Variants in ANKRD44 observed in about 807,000 individuals in gnomAD.
The protein encoded by ANKRD44 is ankyrin repeat domain 44.
ANKRD44 carries 35 observed loss-of-function variants against 116.0 expected under a neutral mutation model. The observed-to-expected ratio is 0.30, with a 90% CI of 0.23 to 0.40. The LOEUF is 0.40. Among genes scored for constraint, ANKRD44 ranks in the 10% least tolerant of loss-of-function variants. The probability of loss-of-function intolerance (pLI) is 1.00; values close to 1 mark genes in which losing one functional copy is unlikely to be tolerated. For missense variants in ANKRD44, 1,014 were observed against 1,242.6 expected, an observed-to-expected ratio of 0.82 and a Z score of 2.77; for synonymous variants, 435 against 461.8, an observed-to-expected ratio of 0.94 and a Z score of 0.74.
intron 1 of ANKRD44, among the ~76,000 whole-genome samples, chr2:197,272,195 G>A (rs773518776): frequency 3.3e-5 from 5 of 152,124 alleles, no homozygotes; most frequent in Non-Finnish European, 7.4e-5. Flanking sequence ...CCTGAACTGG[G>A]AGAAATAAAT....
At chr2:197,078,539 G>T in intron 16 of ANKRD44, 164 bp downstream of exon 16, 1 of 1,478,264 alleles carries the variant, frequency 6.8e-7, no homozygotes, top group Non-Finnish European at 9.1e-7. Context: ...GCATGGTGCA[G>T]TAGAAAAAAC....
At chr2:197,055,211 C>T (rs1427445130) in intron 16 of ANKRD44, among the ~76,000 whole-genome samples, 1 of 152,162 alleles carries the variant, frequency 6.6e-6, no homozygotes, top group Non-Finnish European at 1.5e-5. Context: ...ATACTTTTTT[C>T]ACATGTTTAT....
At chr2:197,285,477 T>A (rs1266003794) in intron 1 of ANKRD44, among the ~76,000 whole-genome samples, 1 of 152,196 alleles carries the variant, frequency 6.6e-6, no homozygotes, top group Non-Finnish European at 1.5e-5. Context: ...GGAAATATTC[T>A]AGTTGACGCT....
At chr2:197,145,776 T>A (rs1393239886) in intron 3 of ANKRD44, among the ~76,000 whole-genome samples, 1 of 152,178 alleles carries the variant, frequency 6.6e-6, no homozygotes, top group Non-Finnish European at 1.5e-5. Flanking sequence ...CTTGAATGCA[T>A]GTCTCAGCTC....
At chr2:197,296,930 A>G (rs781523975) in intron 1 of ANKRD44, among the ~76,000 whole-genome samples, 1 of 152,166 alleles carries the variant, frequency 6.6e-6, no homozygotes, top group East Asian at 1.9e-4. Context: ...TTTTACACCA[A>G]TGTTTTTTAG....
rs188304579 is a variant in ANKRD44, at chr2:196,981,601, C to A, written c.2368+11982G>T. Reference sequence around the variant, plus strand: ...GACCAGCCTGGCTAACATGGCAAAACCCCATCTCTACTAAAAATTTTTTTA... The same window carrying A: ...GACCAGCCTGGCTAACATGGCAAAAACCCATCTCTACTAAAAATTTTTTTA... On this transcript the variant is annotated intron_variant, in intron 21 of 21. Coordinates refer to the ANKRD44 transcript ENST00000424317. 2.0e-5 allele frequency among the ~76,000 whole-genome samples: 3 copies of A among 152,118 alleles called. No homozygotes were observed. In the East Asian group the frequency reaches 5.8e-4, roughly 29 times the overall value.
chr2:197,019,744 T>C (rs557800533), intron 17 of ANKRD44, among the ~76,000 whole-genome samples: 21 of 152,272 alleles, frequency 1.4e-4, no homozygotes, highest in African/African-American at 5.1e-4. Flanking sequence ...CCGTATACCT[T>C]TCACGCAGTT....
chr2:197,043,877 T>G (rs1362914263), intron 16 of ANKRD44, among the ~76,000 whole-genome samples: 1 of 152,154 alleles, frequency 6.6e-6, no homozygotes, highest in Non-Finnish European at 1.5e-5. Flanking sequence ...GCCAAATTCA[T>G]AAAGTGAACT....
intron 2 of ANKRD44, among the ~76,000 whole-genome samples, chr2:197,147,513 T>C (rs1657781492): frequency 6.6e-6 from 1 of 152,048 alleles, no homozygotes; most frequent in African/African-American, 2.4e-5. Context: ...GGAAACATAG[T>C]GGAATGGTTC....
At chr2:197,098,099 A>G (rs2078205209) in intron 10 of ANKRD44, among the ~76,000 whole-genome samples, 1 of 152,140 alleles carries the variant, frequency 6.6e-6, no homozygotes, top group Admixed American at 6.5e-5. Context: ...TCCTTTTGTT[A>G]CAATGTCATC....
chr2:197,057,463 T>C (rs1161409500), intron 16 of ANKRD44, among the ~76,000 whole-genome samples: 1 of 152,214 alleles, frequency 6.6e-6, no homozygotes, highest in African/African-American at 2.4e-5. Context: ...TTGGGGAATA[T>C]AAGCACTGTT....
At chr2:197,246,929 C>T (rs1205728204) in intron 1 of ANKRD44, among the ~76,000 whole-genome samples, 1 of 152,204 alleles carries the variant, frequency 6.6e-6, no homozygotes, top group Non-Finnish European at 1.5e-5. Flanking sequence ...CCAATATTCA[C>T]ACTCCCCATG....
At chr2:197,068,008 A>C (rs1272541443) in intron 16 of ANKRD44, among the ~76,000 whole-genome samples, 4 of 149,100 alleles carry the variant, frequency 2.7e-5, no homozygotes, top group Non-Finnish European at 4.5e-5. Context: ...TGGCACATAT[A>C]CACCATGGAA....
intron 1 of ANKRD44, among the ~76,000 whole-genome samples, chr2:197,295,752 C>G (rs1480963644): frequency 1.3e-5 from 2 of 152,162 alleles, no homozygotes; most frequent in African/African-American, 4.8e-5. Flanking sequence ...TCTGGAAGAG[C>G]TGGTTGAAAA....
intron 4 of ANKRD44, among the ~76,000 whole-genome samples, chr2:197,127,674 A>T (rs2079007175): frequency 6.6e-6 from 1 of 152,156 alleles, no homozygotes; most frequent in Non-Finnish European, 1.5e-5. Flanking sequence ...TTTTTAATCA[A>T]CTTTTATTTT....
intron 10 of ANKRD44, among the ~76,000 whole-genome samples, chr2:197,094,891 A>T (rs561910506): frequency 3.7e-4 from 56 of 152,206 alleles, no homozygotes; most frequent in Non-Finnish European, 6.9e-4. Flanking sequence ...AACACGCTAA[A>T]GTGGTTCAAG....
chr2:197,276,273 C>T (rs1231733119), intron 1 of ANKRD44, among the ~76,000 whole-genome samples: 1 of 63,300 alleles, frequency 1.6e-5, no homozygotes, highest in East Asian at 6.4e-4. Context: ...GAAACTTGGT[C>T]TCAAAAAAAA....
chr2:197,110,940 G>T, intron 8 of ANKRD44, 96 bp from the exon 9 acceptor site: 1 of 828,178 alleles, frequency 1.2e-6, no homozygotes, highest in Non-Finnish European at 2.1e-6. Context: ...ATAATGCCCT[G>T]AAAACATTCA....
intron 8 of ANKRD44, among the ~76,000 whole-genome samples, chr2:197,113,356 T>C (rs977758573): frequency 1.3e-5 from 2 of 152,184 alleles, no homozygotes; most frequent in Non-Finnish European, 2.9e-5. Context: ...TCAAAATAAC[T>C]AAGGCGAGAG....
Sources: gnomAD v4.1 joint callset for allele counts (sites outside exome capture counted in the v4.1 genomes callset) on GRCh38, gnomAD v4.1.1 for gene constraint, MANE v1.5 for transcripts, NCBI Gene and HGNC (gene_info 2026-07-23, HGNC 2026-07-21) for gene names.